Variants in SMC6 observed in about 807,000 individuals in gnomAD.
The protein encoded by SMC6 is structural maintenance of chromosomes 6.
SMC6 carries 79 observed loss-of-function variants against 142.2 expected under a neutral mutation model. That is an observed-to-expected ratio of 0.56 (90% CI 0.46 to 0.67). The LOEUF (loss-of-function observed/expected upper bound fraction) is 0.67, where lower values mean the gene tolerates loss of function less well. Ranked by LOEUF, SMC6 falls within the 30% of genes least tolerant of loss-of-function variation. The probability of loss-of-function intolerance (pLI) is 0.00; values close to 1 mark genes in which losing one functional copy is unlikely to be tolerated. For missense variants in SMC6, 1,072 were observed against 1,284.0 expected, an observed-to-expected ratio of 0.83 and a Z score of 2.52; for synonymous variants, 411 against 412.4, an observed-to-expected ratio of 1.00 and a Z score of 0.04.
chr2:17,721,379 A>G, intron 9 of SMC6, 118 bp from the exon 10 acceptor site: 1 of 991,332 alleles, frequency 1.0e-6, no homozygotes, highest in Admixed American at 3.6e-5. Context: ...TATTCGTTTA[A>G]AAATAACTTC....
chr2:17,734,507 T>A (rs1670052032), intron 5 of SMC6, among the ~76,000 whole-genome samples: 1 of 151,416 alleles, frequency 6.6e-6, no homozygotes, highest in South Asian at 2.1e-4. Context: ...TAATGAATAT[T>A]TTATTTCATT....
chr2:17,695,870 TCTC>T (rs1053080098), intron 22 of SMC6, among the ~76,000 whole-genome samples: 1 of 152,196 alleles, frequency 6.6e-6, no homozygotes, highest in Non-Finnish European at 1.5e-5. Flanking sequence ...TTCAATTTAT[TCTC>T]CTCTAAACAC....
intron 3 of SMC6, among the ~76,000 whole-genome samples, 177 bp downstream of exon 3, chr2:17,745,650 C>T (rs574661336): frequency 2.1e-5 from 3 of 141,780 alleles, no homozygotes; most frequent in African/African-American, 7.3e-5. Flanking sequence ...TCTTTATTTT[C>T]TCTATTAATT....
Position 17,721,238 on chromosome 2 carries a change from C to A in SMC6, c.750G>T (p.Gln250His), listed in dbSNP as rs1282153921. 1 of 1,603,532 alleles carries A rather than the reference C, an allele frequency of 6.2e-7. No individual in the cohort carries two copies. The highest frequency in any genetic ancestry group is 1.3e-5 in the African/African-American group (1 of 74,292). ...GEERLTELKR[Q>H]CVEKEERFQS... The stretch of plus-strand genomic sequence containing the variant: ...GAAAACGTTCCTCTTTCTCTACACA[C>A]TGGCGCTTTAGTTCAGTAAGCCGCT... The change falls in exon 10 of 28, where the codon CAG becomes CAT. Residue 250 changes from glutamine (Q) to histidine (H), a missense_variant. Physicochemically the swap from Gln to His is conservative, Grantham distance 24 (BLOSUM62 0). Around this residue, in one of 3 missense-constraint regions of SMC6, gnomAD observed 994 missense variants for 1,153.2 expected, o/e 0.86. Transcript: ENST00000448223.
intron 5 of SMC6, among the ~76,000 whole-genome samples, chr2:17,736,790 T>G (rs990047695): frequency 2.0e-5 from 3 of 151,962 alleles, no homozygotes; most frequent in African/African-American, 7.3e-5. Flanking sequence ...GAGAATCACT[T>G]GAACCCGGGA....
intron 11 of SMC6, 104 bp from the exon 12 acceptor site, chr2:17,718,327 TCAAGA>T (rs1250244934): frequency 5.5e-5 from 36 of 660,346 alleles, no homozygotes; most frequent in African/African-American, 4.7e-4. Context: ...TTAACTTCAC[TCAAGA>T]CATCAGGCAA....
rs1272748091 is a variant in SMC6, at chr2:17,665,495, C to A, written c.*4G>T. 3.1e-6 allele frequency: 5 copies of A among 1,598,530 alleles called. No individual in the cohort carries two copies. Among genetic ancestry groups the A allele is most frequent in the Non-Finnish European group, 4.3e-6 (5 of 1,169,714 alleles). On this transcript the variant is annotated 3_prime_UTR_variant, in exon 28 of 28. Transcript: ENST00000448223. Reference sequence around the variant, plus strand: ...CATCAGGACAAGGCATGTTAAGTTACAAATCACCTTTGGTCATCATCTTCT... The same window carrying A: ...CATCAGGACAAGGCATGTTAAGTTAAAAATCACCTTTGGTCATCATCTTCT...
At chr2:17,699,325 C>T (rs1437559341) in intron 21 of SMC6, among the ~76,000 whole-genome samples, 2 of 152,074 alleles carry the variant, frequency 1.3e-5, no homozygotes, top group Non-Finnish European at 2.9e-5. Flanking sequence ...AATATGCTGT[C>T]ACACAAAAAT....
chr2:17,698,254 C>T (rs914802014), intron 21 of SMC6, among the ~76,000 whole-genome samples: 1 of 151,980 alleles, frequency 6.6e-6, no homozygotes, highest in Non-Finnish European at 1.5e-5. Flanking sequence ...TTGAATTATA[C>T]ACTTTAAATG....
At chr2:17,677,302 T>C (rs1237079680) in intron 25 of SMC6, among the ~76,000 whole-genome samples, 2 of 152,186 alleles carry the variant, frequency 1.3e-5, no homozygotes, top group Non-Finnish European at 2.9e-5. Flanking sequence ...TGGGCTTAAA[T>C]TGCAACTTTC....
intron 11 of SMC6, among the ~76,000 whole-genome samples, chr2:17,720,536 T>C (rs1294864377): frequency 6.6e-6 from 1 of 152,234 alleles, no homozygotes; most frequent in African/African-American, 2.4e-5. Flanking sequence ...TTCTGAGTTC[T>C]CATACTTTCT....
At chr2:17,666,978 T>A (rs1666527131) in intron 26 of SMC6, among the ~76,000 whole-genome samples, 1 of 152,114 alleles carries the variant, frequency 6.6e-6, no homozygotes, top group African/African-American at 2.4e-5. Flanking sequence ...TGAAAGCCCA[T>A]CTCTAAGGGA....
At chr2:17,729,172 T>TA (rs1669785155) in intron 7 of SMC6, among the ~76,000 whole-genome samples, 1 of 152,230 alleles carries the variant, frequency 6.6e-6, no homozygotes, top group Non-Finnish European at 1.5e-5. Context: ...GTAATCAATA[T>TA]AAAAAACTAA....
At chr2:17,669,391 G>A (rs1047841428) in intron 26 of SMC6, among the ~76,000 whole-genome samples, 4 of 152,114 alleles carry the variant, frequency 2.6e-5, no homozygotes, top group Non-Finnish European at 4.4e-5. Flanking sequence ...CTGTCCATAC[G>A]CAGGTAGTAG....
At position 17,705,780 on chromosome 2, in the gene SMC6, T is replaced by C. The variant is rs1421803998; in HGVS notation, c.2006+1439A>G. On this transcript the variant is annotated intron_variant, in intron 18 of 27. Transcript: ENST00000448223. ...TAAAACTAATTCCTATACATTTTCA[T>C]ACAGTGTTCCTCCTTAGTTTTTTTT... is the stretch of plus-strand genomic sequence containing the variant. Among the ~76,000 whole-genome samples, 15 of 152,316 alleles carry C rather than the reference T, an allele frequency of 9.8e-5. 2 individuals are homozygous for C. Among genetic ancestry groups the C allele is most frequent in the Admixed American group, 9.2e-4 (14 of 15,300 alleles).
intron 16 of SMC6, among the ~76,000 whole-genome samples, chr2:17,709,920 T>C (rs78283768): frequency 0.01 from 1,594 of 152,238 alleles, 38 homozygotes; most frequent in African/African-American, 0.036. Context: ...AGGAGACAGA[T>C]TGCCACAGTA....
chr2:17,663,988 T>G lies in SMC6; in HGVS notation c.*1511A>C, dbSNP rs1258047617. On this transcript the variant is annotated 3_prime_UTR_variant, in exon 28 of 28. Transcript: ENST00000448223. ...GGCCAAAGCAATGAATAATCTTCAA[T>G]TCAACAAGAGATGCTGGGATACCTG... The G allele has an allele frequency of 6.6e-6, 1 of 152,226 alleles. No homozygotes were observed. The highest frequency in any genetic ancestry group is 1.5e-5 in the Non-Finnish European group (1 of 68,022). 9.4% of individuals were successfully genotyped at this position (152,226 alleles called of 1,614,324 possible). A position where few individuals can be genotyped will look rare whatever the true frequency, so the allele number is the denominator to read the frequency against.
intron 5 of SMC6, among the ~76,000 whole-genome samples, chr2:17,732,717 A>G (rs1669971784): frequency 6.6e-6 from 1 of 152,024 alleles, no homozygotes. Flanking sequence ...AAAAGAAAAA[A>G]GAAACTAAAG....
intron 11 of SMC6, among the ~76,000 whole-genome samples, chr2:17,720,285 C>T (rs187727662): frequency 5.3e-5 from 8 of 152,284 alleles, no homozygotes; most frequent in Non-Finnish European, 1.5e-5. Context: ...AGAATGACTG[C>T]CTTTACTCAA....
Sources: gnomAD v4.1 joint callset for allele counts (sites outside exome capture counted in the v4.1 genomes callset) on GRCh38, gnomAD v4.1.1 for gene constraint, gnomAD v4.1.1 regional missense constraint, MANE v1.5 for transcripts, NCBI Gene and HGNC (gene_info 2026-07-23, HGNC 2026-07-21) for gene names.